The following ALK variants were observed in gnomAD, a reference collection of about 807,000 sequenced individuals.
The protein encoded by ALK is ALK tyrosine kinase receptor.
ALK carries 74 observed loss-of-function variants against 163.1 expected under a neutral mutation model. The observed-to-expected ratio is 0.45, with a 90% CI of 0.38 to 0.55. The LOEUF (loss-of-function observed/expected upper bound fraction) is 0.55. Among genes scored for constraint, ALK ranks in the 20% least tolerant of loss-of-function variants. ALK has a pLI of 0.00. For synonymous variants in ALK, 960 were observed against 843.2 expected (o/e 1.14, Z -2.40); for missense variants, 2,063 against 2,105.3 (o/e 0.98, Z 0.39).
chr2:29,377,519 A>G (rs1038667728), intron 5 of ALK, among the ~76,000 whole-genome samples: 7 of 151,740 alleles, frequency 4.6e-5, no homozygotes, highest in Admixed American at 3.3e-4. Flanking sequence ...AGACTGTCCA[A>G]TGGTTCTTAA....
chr2:29,210,402 C>T (rs912342436), intron 24 of ALK, among the ~76,000 whole-genome samples: 8 of 152,276 alleles, frequency 5.3e-5, no homozygotes, highest in African/African-American at 1.9e-4. Context: ...AAATCAAATT[C>T]AAGTAGATTA....
At chr2:29,644,881 C>T (rs1676827130) in intron 3 of ALK, among the ~76,000 whole-genome samples, 1 of 152,106 alleles carries the variant, frequency 6.6e-6, no homozygotes, top group South Asian at 2.1e-4. Flanking sequence ...TCCTGACTTG[C>T]TTGGTTCATT....
intron 3 of ALK, among the ~76,000 whole-genome samples, chr2:29,620,440 A>G (rs1675998665): frequency 7.5e-6 from 1 of 134,122 alleles, no homozygotes; most frequent in African/African-American, 2.8e-5. Context: ...AAATAAGAGC[A>G]TATTATGAGG....
chr2:29,825,702 T>A (rs115735497), intron 1 of ALK, among the ~76,000 whole-genome samples: 2,279 of 136,016 alleles, frequency 0.017, 62 homozygotes, highest in African/African-American at 0.054. Context: ...CTTGAAAAGA[T>A]CATTTTGTGT....
chr2:29,921,039 C>G lies in ALK; in HGVS notation c.-380G>C, dbSNP rs1667987925. Reference sequence around the variant, plus strand: ...TTGGGTACCGTCCTCTCCTGCCCCCCGCAGTCGGAGCTGGGGTCTGTCCCC... The same window carrying G: ...TTGGGTACCGTCCTCTCCTGCCCCCGGCAGTCGGAGCTGGGGTCTGTCCCC... On this transcript the variant is annotated 5_prime_UTR_variant, in exon 1 of 29. Coordinates refer to ENST00000389048, the MANE Select transcript of ALK (RefSeq NM_004304.5). The G allele has an allele frequency of 3.6e-6, 1 of 278,638 alleles. No individual in the cohort carries two copies. Among genetic ancestry groups the G allele is most frequent in the Non-Finnish European group, 6.8e-6 (1 of 147,616 alleles). 17.3% of individuals were successfully genotyped at this position (278,638 alleles called of 1,614,324 possible).
chr2:29,421,630 C>T (rs1029023611), intron 4 of ALK, among the ~76,000 whole-genome samples: 9 of 151,470 alleles, frequency 5.9e-5, no homozygotes, highest in African/African-American at 2.0e-4. Context: ...TGACTCCCTA[C>T]TCCCACCAGA....
At chr2:29,434,395 C>T (rs1670349003) in intron 4 of ALK, among the ~76,000 whole-genome samples, 1 of 152,152 alleles carries the variant, frequency 6.6e-6, no homozygotes, top group African/African-American at 2.4e-5. Flanking sequence ...GCTTTGTCTC[C>T]TGGGAATATC....
In ALK at chr2:29,596,976, G is replaced by A. The variant is rs751676402; in HGVS notation, c.953-64860C>T. Reference sequence around the variant, plus strand: ...TTGCCTGATACTGAATTCCTCCCCAGAGGGGATATTCTAGTCTCGGCTGCT... The same window carrying A: ...TTGCCTGATACTGAATTCCTCCCCAAAGGGGATATTCTAGTCTCGGCTGCT... On this transcript the variant is annotated intron_variant, in intron 3 of 28. Transcript: ENST00000389048. 1.3e-4 allele frequency among the ~76,000 whole-genome samples: 20 copies of A among 152,338 alleles called. No individual in the cohort carries two copies. The Middle Eastern group carries it at 0.01, about 78-fold the overall frequency.
intron 13 of ALK, among the ~76,000 whole-genome samples, chr2:29,235,426 G>T (rs1207509295): frequency 6.6e-6 from 1 of 152,014 alleles, no homozygotes; most frequent in East Asian, 1.9e-4. Context: ...ATGGAATTTT[G>T]GATTTAACGA....
In ALK at chr2:29,209,832, T is replaced by C; in HGVS notation, c.3790A>G (p.Arg1264Gly). The C allele has an allele frequency of 1.2e-6, 2 of 1,614,194 alleles. No individual in the cohort carries two copies. The highest frequency in any genetic ancestry group is 2.2e-5 in the East Asian group (1 of 44,878). Reference sequence around the variant, plus strand: ...CCGAAGTCTCCAATCTTGGCCACTCTTCCAGGGCCTGGACAGGTCAAGAGG... The same window carrying C: ...CCGAAGTCTCCAATCTTGGCCACTCCTCCAGGGCCTGGACAGGTCAAGAGG... ...NCLLTCPGPGRVAKIGDFGMA... is the reference protein window; with the variant it reads ...NCLLTCPGPGGVAKIGDFGMA... Residue 1264 changes from arginine to glycine, a missense_variant, in exon 25 of 29, where the codon AGA becomes GGA. Arg to Gly is a moderately radical substitution (Grantham distance 125). Around this residue, in one of 5 missense-constraint regions of ALK, gnomAD observed 83 missense variants for 139.7 expected, o/e 0.59. Transcript: ENST00000389048.
intron 3 of ALK, among the ~76,000 whole-genome samples, chr2:29,568,190 G>A (rs1674249780): frequency 6.6e-6 from 1 of 152,218 alleles, no homozygotes; most frequent in Non-Finnish European, 1.5e-5. Context: ...GTGGGTTTCT[G>A]CCTGGCTGCG....
At chr2:29,675,797 T>A (rs1281135473) in intron 3 of ALK, among the ~76,000 whole-genome samples, 2 of 152,072 alleles carry the variant, frequency 1.3e-5, no homozygotes, top group African/African-American at 4.8e-5. Context: ...ATTGTGCCAA[T>A]GTTTGCTTTA....
intron 24 of ALK, among the ~76,000 whole-genome samples, chr2:29,211,256 CCCATAAAA>C (rs1459924517): frequency 1.3e-5 from 2 of 152,048 alleles, no homozygotes; most frequent in Admixed American, 1.3e-4. Flanking sequence ...ATAAAATGCC[CCCATAAAA>C]CCATAAAAGC....
chr2:29,493,143 A>G (rs1197458059), intron 4 of ALK, among the ~76,000 whole-genome samples: 3 of 152,216 alleles, frequency 2.0e-5, no homozygotes, highest in African/African-American at 7.2e-5. Context: ...TTGAGCGTCA[A>G]TAGCAAGGAG....
chr2:29,784,075 G>A (rs1663928672), intron 1 of ALK, among the ~76,000 whole-genome samples: 1 of 152,092 alleles, frequency 6.6e-6, no homozygotes, highest in South Asian at 2.1e-4. Context: ...CAACGAGAGA[G>A]CGAGACAGAG....
At chr2:29,195,767 T>A (rs1378271753) in intron 28 of ALK, among the ~76,000 whole-genome samples, 1 of 152,174 alleles carries the variant, frequency 6.6e-6, no homozygotes, top group Non-Finnish European at 1.5e-5. Flanking sequence ...GTTTATTGAC[T>A]CTTCTAAAAT....
chr2:29,726,627 C>T (rs902349127), intron 1 of ALK, among the ~76,000 whole-genome samples: 2 of 152,166 alleles, frequency 1.3e-5, no homozygotes, highest in South Asian at 2.1e-4. Flanking sequence ...TGGGAAGTAA[C>T]GGTTACCAGG....
chr2:29,533,603 G>A (rs1198463825), intron 3 of ALK, among the ~76,000 whole-genome samples: 4 of 152,220 alleles, frequency 2.6e-5, no homozygotes, highest in Non-Finnish European at 5.9e-5. Flanking sequence ...GAAGGGGAAT[G>A]AGAGGCACAT....
intron 8 of ALK, 22 bp downstream of exon 8, chr2:29,318,282 C>T: frequency 6.3e-7 from 1 of 1,581,694 alleles, no homozygotes; most frequent in Non-Finnish European, 8.7e-7. Context: ...AATTAGAGAA[C>T]TAGAGAAACA....
Sources: allele counts gnomAD v4.1 joint callset (sites outside exome capture counted in the v4.1 genomes callset), GRCh38; gene constraint gnomAD v4.1.1; regional missense constraint gnomAD v4.1.1; transcripts MANE v1.5; gene names NCBI Gene and HGNC (gene_info 2026-07-23, HGNC 2026-07-21).